The following MPP4 variants were observed in gnomAD, a reference collection of about 807,000 sequenced individuals.
MPP4 encodes MAGUK p55 subfamily member 4.
A neutral mutation model predicts 98.3 loss-of-function variants in MPP4; 91 were observed. The observed-to-expected ratio is 0.93, with a 90% CI of 0.78 to 1.10. The LOEUF (loss-of-function observed/expected upper bound fraction) is 1.10. Ranked by LOEUF, MPP4 falls within the 50% of genes least tolerant of loss-of-function variation. The pLI is 0.00. For missense variants in MPP4, 744 were observed against 792.9 expected (o/e 0.94, Z 0.74); for synonymous variants, 261 against 271.8 (o/e 0.96, Z 0.39).
intron 14 of MPP4, chr2:201,661,696 G>C (rs939965010): frequency 4.5e-6 from 2 of 445,366 alleles, no homozygotes; most frequent in South Asian, 1.6e-5. Flanking sequence ...ATAAATTATT[G>C]TTGCCATTTT....
chr2:201,681,903 C>T (rs1688676594), intron 8 of MPP4, among the ~76,000 whole-genome samples: 2 of 151,990 alleles, frequency 1.3e-5, no homozygotes, highest in Non-Finnish European at 2.9e-5. Flanking sequence ...ACAGGATCTC[C>T]ATCTGACTTT....
In MPP4 at chr2:201,680,873, G is replaced by A. The variant is rs758311354; in HGVS notation, c.894C>T (p.Cys298=). Residue 298 remains cysteine, a synonymous_variant, in exon 10 of 22, where the codon TGC becomes TGT. Transcript: ENST00000409474. ...QARKISDPAT[C]AGLVPSNHLL... ...GGTGGTTAGAAGGGACAAGCCCAGC[G>A]CAGGTAGCAGGGTCTGAGATTTTTC... is the stretch of plus-strand genomic sequence containing the variant. The A allele has an allele frequency of 3.9e-5, 63 of 1,613,406 alleles. No homozygotes were observed. Among genetic ancestry groups the A allele is most frequent in the Non-Finnish European group, 5.0e-5 (59 of 1,179,706 alleles).
At chr2:201,691,080 T>A (rs1451258397) in intron 3 of MPP4, among the ~76,000 whole-genome samples, 1 of 152,176 alleles carries the variant, frequency 6.6e-6, no homozygotes, top group African/African-American at 2.4e-5. Flanking sequence ...GCATTCAGGT[T>A]TACCTGGAAG....
At chr2:201,674,851 T>C (rs1031625598) in intron 11 of MPP4, among the ~76,000 whole-genome samples, 16 of 152,160 alleles carry the variant, frequency 1.1e-4, no homozygotes, top group African/African-American at 3.9e-4. Flanking sequence ...GACATCTTTT[T>C]AGGTTTTTTG....
At chr2:201,677,825 T>G (rs534043557) in intron 10 of MPP4, among the ~76,000 whole-genome samples, 1 of 152,182 alleles carries the variant, frequency 6.6e-6, no homozygotes, top group East Asian at 1.9e-4. Flanking sequence ...AAAAATTGTT[T>G]GTAGATATCA....
intron 18 of MPP4, among the ~76,000 whole-genome samples, chr2:201,654,242 C>A (rs186470413): frequency 6.6e-6 from 1 of 152,220 alleles, no homozygotes; most frequent in African/African-American, 2.4e-5. Flanking sequence ...TCCCAAAATG[C>A]TGGGATTACA....
chr2:201,685,772 G>T (rs1241176566), intron 6 of MPP4, 147 bp downstream of exon 6: 2 of 821,022 alleles, frequency 2.4e-6, no homozygotes, highest in Non-Finnish European at 3.5e-6. Flanking sequence ...TGAAACCACA[G>T]GCAAAACTTG....
At chr2:201,681,440 T>G (rs377029846) in intron 9 of MPP4, 56 bp downstream of exon 9, 31 of 1,333,798 alleles carry the variant, frequency 2.3e-5, no homozygotes, top group Middle Eastern at 1.8e-4. Flanking sequence ...TCATATTTAG[T>G]TGCTGTTACT....
At chr2:201,696,914 C>T (rs772593622) in intron 1 of MPP4, among the ~76,000 whole-genome samples, 1 of 152,168 alleles carries the variant, frequency 6.6e-6, no homozygotes, top group Admixed American at 6.5e-5. Context: ...TCTTCAGGTT[C>T]CTATGACAAA....
At chr2:201,649,831 C>T (rs1233084549) in intron 19 of MPP4, 147 bp from the exon 20 acceptor site, 4 of 699,292 alleles carry the variant, frequency 5.7e-6, no homozygotes, top group Non-Finnish European at 9.7e-6. Context: ...AAGAGGTGAA[C>T]AAAATGAGCA....
At chr2:201,684,508 G>A (rs575116760) in intron 7 of MPP4, among the ~76,000 whole-genome samples, 2 of 152,334 alleles carry the variant, frequency 1.3e-5, no homozygotes, top group East Asian at 3.9e-4. Context: ...CCATGAGAAT[G>A]TAAACTGAGA....
intron 14 of MPP4, chr2:201,661,585 T>G: frequency 4.4e-6 from 2 of 456,304 alleles, no homozygotes; most frequent in South Asian, 1.5e-5. Flanking sequence ...AAGAACTGGC[T>G]GCTGACTCCC....
intron 12 of MPP4, 121 bp downstream of exon 12, chr2:201,669,612 A>G (rs1688283636): frequency 2.4e-6 from 1 of 416,736 alleles, no homozygotes; most frequent in African/African-American, 2.1e-5. Flanking sequence ...CTATCACACT[A>G]CTAGGTATAT....
At chr2:201,651,038 G>T (rs1389993040) in intron 18 of MPP4, 3 of 985,076 alleles carry the variant, frequency 3.0e-6, no homozygotes, top group Non-Finnish European at 2.4e-6. Flanking sequence ...ACACAAAGAT[G>T]AGTAAGACAG....
At chr2:201,681,190 C>T (rs879298792) in intron 9 of MPP4, among the ~76,000 whole-genome samples, 156 bp from the exon 10 acceptor site, 4 of 152,200 alleles carry the variant, frequency 2.6e-5, no homozygotes, top group Non-Finnish European at 4.4e-5. Flanking sequence ...AAGGAGAACT[C>T]GCCTCCTGAG....
chr2:201,690,752 C>T (rs900096012), intron 3 of MPP4, among the ~76,000 whole-genome samples: 2 of 152,308 alleles, frequency 1.3e-5, no homozygotes, highest in Admixed American at 6.5e-5. Context: ...GGTGGGCATG[C>T]CACAAACGCT....
At chr2:201,678,890 T>C (rs919723567) in intron 10 of MPP4, among the ~76,000 whole-genome samples, 11 of 152,116 alleles carry the variant, frequency 7.2e-5, no homozygotes, top group African/African-American at 2.7e-4. Context: ...TTCTCAATGA[T>C]TTTATCACAC....
chr2:201,669,683 T>C, intron 12 of MPP4, 50 bp downstream of exon 12: 1 of 1,315,802 alleles, frequency 7.6e-7, no homozygotes, highest in African/African-American at 1.5e-5. Flanking sequence ...TACAAGAAAT[T>C]TCTAAAAGAC....
At chr2:201,667,655 A>G (rs1027301106) in intron 12 of MPP4, among the ~76,000 whole-genome samples, 3 of 152,216 alleles carry the variant, frequency 2.0e-5, no homozygotes, top group Non-Finnish European at 4.4e-5. Context: ...AGCACATCCC[A>G]GGTGCTCAAC....
Sources: allele counts gnomAD v4.1 joint callset (sites outside exome capture counted in the v4.1 genomes callset), GRCh38; gene constraint gnomAD v4.1.1; transcripts MANE v1.5; gene names NCBI Gene and HGNC (gene_info 2026-07-23, HGNC 2026-07-21).